The following GATAD2A variants were observed in gnomAD, a reference collection of about 807,000 sequenced individuals.
The protein encoded by GATAD2A is GATA zinc finger domain containing 2A.
A neutral mutation model predicts 68.5 loss-of-function variants in GATAD2A; 12 were observed. That is an observed-to-expected ratio of 0.18 (90% CI 0.11 to 0.28). The LOEUF is 0.28. Among genes scored for constraint, GATAD2A ranks in the 10% least tolerant of loss-of-function variants. The pLI, the probability that GATAD2A is intolerant of heterozygous loss-of-function variation, is 1.00. For missense variants in GATAD2A, 755 were observed against 868.5 expected (o/e 0.87, Z 1.64); for synonymous variants, 410 against 375.3 (o/e 1.09, Z -1.07).
intron 1 of GATAD2A, chr19:19,435,020 G>C (rs774192642): frequency 6.1e-6 from 3 of 493,362 alleles, no homozygotes; most frequent in Non-Finnish European, 1.3e-5. Flanking sequence ...TGGTGAGGAG[G>C]TTACATTGGG....
chr19:19,494,271 C>T lies in GATAD2A; in HGVS notation c.535-23C>T, dbSNP rs80068512. On this transcript the variant is annotated intron_variant, in intron 4 of 11. Transcript: ENST00000683918. Reference sequence around the variant, plus strand: ...GGACCGGCCCGGTGGCCCCTCACCTCCTGGTGTCCTGCTCTCTTGCAGCCC... The same window carrying T: ...GGACCGGCCCGGTGGCCCCTCACCTTCTGGTGTCCTGCTCTCTTGCAGCCC... 1.7e-5 allele frequency: 26 copies of T among 1,505,528 alleles called. No homozygotes were observed. The East Asian group carries it at 5.7e-4, about 33-fold the overall frequency. 93.3% of individuals were successfully genotyped at this position (1,505,528 alleles called of 1,614,324 possible). A position where few individuals can be genotyped will look rare whatever the true frequency, so the allele number is the denominator to read the frequency against.
chr19:19,387,538 C>T lies in GATAD2A; in HGVS notation c.-7+1400C>T, dbSNP rs576548591. 1.1e-4 allele frequency among the ~76,000 whole-genome samples: 16 copies of T among 152,136 alleles called. No homozygotes were observed. The South Asian group carries it at 1.9e-3, about 18-fold the overall frequency. On this transcript the variant is annotated intron_variant, in intron 1 of 11. Transcript: ENST00000360315. ...TTCATCATGTTGGCCAGGCTGGTCT[C>T]GAACTTCTGAGCTCAGGTGATCCAC...
chr19:19,466,224 T>G (rs1429471545), intron 2 of GATAD2A, among the ~76,000 whole-genome samples: 1 of 152,160 alleles, frequency 6.6e-6, no homozygotes, highest in Non-Finnish European at 1.5e-5. Context: ...AAGCTTGAAA[T>G]AAAAATAAGA....
chr19:19,498,556 GGCC>G lies in GATAD2A; in HGVS notation c.1042_1044del (p.Ala348del), dbSNP rs2060303289. The G allele has an allele frequency of 4.3e-6, 7 of 1,613,800 alleles. No homozygotes were observed. Among genetic ancestry groups the G allele is most frequent in the South Asian group, 1.1e-5 (1 of 91,092 alleles). On this transcript the variant is annotated inframe_deletion, in exon 8 of 12. Transcript: ENST00000683918. ...CCGAGTCTCCAGCAAGCCGACAGGCGGCCGCCAAGCTGGCGCTGCGCAAACAGC... is the reference window on the plus strand; with the variant it reads ...CCGAGTCTCCAGCAAGCCGACAGGCGGCCAAGCTGGCGCTGCGCAAACAGC...
chr19:19,419,781 G>C (rs2916075), intron 1 of GATAD2A, among the ~76,000 whole-genome samples: 23,919 of 151,890 alleles, frequency 0.16, 1,992 homozygotes, highest in Middle Eastern at 0.28. Flanking sequence ...CTCCCAAAGT[G>C]CTGAGACAGG....
At chr19:19,476,273 A>C (rs1255333297) in intron 2 of GATAD2A, among the ~76,000 whole-genome samples, 1 of 152,232 alleles carries the variant, frequency 6.6e-6, no homozygotes, top group Non-Finnish European at 1.5e-5. Context: ...GCAGATTTGC[A>C]GATTAAGCAG....
upstream of GATAD2A, among the ~76,000 whole-genome samples, chr19:19,401,252 C>G (rs535847667): frequency 1.8e-3 from 212 of 116,330 alleles, no homozygotes; most frequent in Middle Eastern, 0.01. Flanking sequence ...CTCCTTCTGT[C>G]GCACAGGCTG....
At chr19:19,460,416 C>T (rs971074078) in intron 1 of GATAD2A, among the ~76,000 whole-genome samples, 3 of 152,194 alleles carry the variant, frequency 2.0e-5, no homozygotes, top group African/African-American at 7.2e-5. Flanking sequence ...TCACAGCTAG[C>T]GAGGCTAGCA....
At chr19:19,487,492 C>T (rs550856521) in intron 2 of GATAD2A, among the ~76,000 whole-genome samples, 242 of 126,610 alleles carry the variant, frequency 1.9e-3, no homozygotes, top group African/African-American at 5.7e-3. Flanking sequence ...CTTGCTGGGC[C>T]GAGGGTGGGT....
At chr19:19,419,510 CTTTTTTTTTTTTT>C (rs57019208) in intron 1 of GATAD2A, among the ~76,000 whole-genome samples, 1 of 110,612 alleles carries the variant, frequency 9.0e-6, no homozygotes, top group African/African-American at 3.6e-5. Context: ...ATCTCTACAT[CTTTTTTTTTTTTT>C]TTTTTTTTTT....
intron 2 of GATAD2A, among the ~76,000 whole-genome samples, chr19:19,474,506 G>A (rs147219189): frequency 0.011 from 1,673 of 152,216 alleles, 20 homozygotes; most frequent in Non-Finnish European, 0.013. Flanking sequence ...TTTGGGGTCC[G>A]GCTTCCTTCT....
Position 19,495,769 on chromosome 19 carries a change from A to T in GATAD2A, c.640A>T (p.Met214Leu). ...TCGTTGGCAGACCTCTTCAGCTCGG[A>T]TGCCCGGCAGTGTCATACCCCCGCC... The part of the protein sequence containing the change: ...KPSLQTSSAR[M>L]PGSVIPPPLV... The change falls in exon 6 of 12, where the codon ATG (methionine) becomes TTG (leucine). Residue 214 changes from methionine to leucine, a missense_variant. Met to Leu is a conservative substitution (Grantham distance 15, BLOSUM62 2). Transcript: ENST00000683918. 6.2e-7 allele frequency: 1 copy of T among 1,611,410 alleles called. No individual in the cohort carries two copies. The highest frequency in any genetic ancestry group is 8.5e-7 in the Non-Finnish European group (1 of 1,178,028).
intron 1 of GATAD2A, among the ~76,000 whole-genome samples, chr19:19,421,777 C>CT (rs964931669): frequency 6.6e-6 from 1 of 151,810 alleles, no homozygotes; most frequent in African/African-American, 2.4e-5. Flanking sequence ...TAGCCTAAGG[C>CT]TGTGTAGTCT....
At position 19,494,533 on chromosome 19, in the gene GATAD2A, A is replaced by G. The variant is rs961660180; in HGVS notation, c.624+150A>G. The G allele has an allele frequency of 1.2e-4, 69 of 583,954 alleles. No individual in the cohort carries two copies. In the African/African-American group the frequency reaches 1.2e-3, roughly 10 times the overall value. The allele number at this position is 583,954 out of a possible 1,614,324, so 36.2% of individuals were successfully genotyped here. ...AGGCTGGAGTGAGGCCCTCCAGCCC[A>G]CAGCCTAGGGGAAGAAGCACACGTG... On this transcript the variant is annotated intron_variant, in intron 5 of 11. Coordinates refer to ENST00000683918, the MANE Select transcript of GATAD2A (RefSeq NM_001384528.1).
intron 1 of GATAD2A, among the ~76,000 whole-genome samples, chr19:19,423,166 C>T (rs1289463739): frequency 1.3e-5 from 2 of 152,160 alleles, no homozygotes; most frequent in East Asian, 1.9e-4. Context: ...ACCACCACTC[C>T]CAGCTAATTT....
intron 9 of GATAD2A, 54 bp downstream of exon 9, chr19:19,501,470 G>T (rs957598829): frequency 1.5e-6 from 2 of 1,377,008 alleles, no homozygotes; most frequent in Admixed American, 2.1e-5. Flanking sequence ...AGGCCGTTCC[G>T]CGATCCACCC....
intron 1 of GATAD2A, among the ~76,000 whole-genome samples, chr19:19,436,871 A>T (rs979751922): frequency 2.6e-5 from 4 of 152,184 alleles, no homozygotes; most frequent in Non-Finnish European, 5.9e-5. Context: ...CGTTTTATAG[A>T]TGGGGACACA....
intron 1 of GATAD2A, among the ~76,000 whole-genome samples, chr19:19,396,722 T>C (rs922211614): frequency 1.3e-5 from 2 of 152,126 alleles, no homozygotes; most frequent in African/African-American, 4.8e-5. Context: ...CTTTCTTTCT[T>C]TTTTTTGAGA....
chr19:19,443,394 CTT>C (rs906074732), intron 1 of GATAD2A, among the ~76,000 whole-genome samples: 1 of 152,202 alleles, frequency 6.6e-6, no homozygotes, highest in Non-Finnish European at 1.5e-5. Flanking sequence ...CATCCTAACT[CTT>C]TGAGCATACG....
Sources: allele counts gnomAD v4.1 joint callset (sites outside exome capture counted in the v4.1 genomes callset), GRCh38; gene constraint gnomAD v4.1.1; transcripts MANE v1.5; gene names NCBI Gene and HGNC (gene_info 2026-07-23, HGNC 2026-07-21).